MTREX: variants seen among roughly 807,000 people sequenced by gnomAD.
The protein encoded by MTREX is Mtr4 exosome RNA helicase.
In MTREX, 76 loss-of-function variants were observed where a neutral mutation model predicts 135.4. That is an observed-to-expected ratio of 0.56 (90% CI 0.47 to 0.68). MTREX has a LOEUF of 0.68. MTREX is among the 30% of genes least tolerant of loss of function. The pLI, the probability that MTREX is intolerant of heterozygous loss-of-function variation, is 0.00. For synonymous variants in MTREX, 404 were observed against 401.6 expected, an observed-to-expected ratio of 1.01 and a Z score of -0.07; for missense variants, 920 against 1,262.1, an observed-to-expected ratio of 0.73 and a Z score of 4.11.
chr5:55,381,204 GT>G (rs1750391575), intron 18 of MTREX, among the ~76,000 whole-genome samples: 1 of 151,854 alleles, frequency 6.6e-6, no homozygotes, highest in Admixed American at 6.6e-5. Flanking sequence ...TGAGCTTTTG[GT>G]TTTACTGATT....
intron 14 of MTREX, chr5:55,356,259 A>G (rs1749910390): frequency 6.5e-6 from 1 of 153,206 alleles, no homozygotes; most frequent in Non-Finnish European, 1.5e-5. Context: ...ACAGCAATGA[A>G]TGGCCAGGCT....
intron 12 of MTREX, 117 bp downstream of exon 12, chr5:55,349,769 T>C: frequency 3.3e-6 from 2 of 613,710 alleles, no homozygotes; most frequent in Non-Finnish European, 5.9e-6. Context: ...GCATATGGGT[T>C]GTGATATGCC....
chr5:55,369,821 C>T (rs1285417036), intron 16 of MTREX, among the ~76,000 whole-genome samples: 1 of 152,180 alleles, frequency 6.6e-6, no homozygotes, highest in African/African-American at 2.4e-5. Flanking sequence ...TAGCCAGTCA[C>T]TAACCCGTGT....
chr5:55,358,632 T>C lies in MTREX; in HGVS notation c.1593T>C (p.Asp531=). The C allele has an allele frequency of 1.9e-6, 3 of 1,606,178 alleles. No individual in the cohort carries two copies. Among genetic ancestry groups the C allele is most frequent in the East Asian group, 2.3e-5 (1 of 44,410 alleles). ...GTGCTGGAAGGAGAGGAATGGATGA[T>C]AGAGGAATTGTAATTCTTATGGTAG... The part of the protein sequence containing the change: ...SGRAGRRGMD[D]RGIVILMVDE... The change falls in exon 15 of 27, where the codon GAT becomes GAC. Residue 531 remains aspartate, a synonymous_variant. Coordinates refer to ENST00000230640, the MANE Select transcript of MTREX (RefSeq NM_015360.5).
intron 14 of MTREX, among the ~76,000 whole-genome samples, chr5:55,355,368 C>T (rs1345966347): frequency 1.3e-5 from 2 of 152,174 alleles, no homozygotes; most frequent in African/African-American, 4.8e-5. Context: ...AACCCCCTGC[C>T]CTCTGCTTTG....
At chr5:55,376,983 A>C (rs570513337) in intron 16 of MTREX, among the ~76,000 whole-genome samples, 16 of 150,618 alleles carry the variant, frequency 1.1e-4, no homozygotes, top group Non-Finnish European at 2.1e-4. Flanking sequence ...AGGCAGGAGA[A>C]TCACTTAAAC....
At position 55,344,604 on chromosome 5, in the gene MTREX, T is replaced by C; in HGVS notation, c.989T>C (p.Leu330Pro). Residue 330 changes from leucine to proline, a missense_variant, in exon 9 of 27, where the codon CTT (leucine) becomes CCT (proline). Physicochemically the swap from Leu to Pro is moderately conservative, Grantham distance 98. This residue lies in a region of MTREX where 88 missense variants were observed against 202.5 expected (regional missense o/e 0.43). Coordinates refer to ENST00000230640, the MANE Select transcript of MTREX (RefSeq NM_015360.5). Reference sequence around the variant, plus strand: ...CCAGCAGGGGGAGATGGCCTGCATCTTGTGGTTGATGAAAATGTAAGAGAG... The same window carrying C: ...CCAGCAGGGGGAGATGGCCTGCATCCTGTGGTTGATGAAAATGTAAGAGAG... ...IFPAGGDGLH[L>P]VVDENGDFRE... is the part of the protein sequence containing the mutation. 1.3e-6 allele frequency: 2 copies of C among 1,599,174 alleles called. No homozygotes were observed. Among genetic ancestry groups the C allele is most frequent in the Non-Finnish European group, 1.7e-6 (2 of 1,167,624 alleles).
intron 16 of MTREX, 140 bp from the exon 17 acceptor site, chr5:55,378,172 CAT>C: frequency 1.1e-5 from 10 of 928,904 alleles, no homozygotes; most frequent in Non-Finnish European, 1.5e-6. Context: ...TAGATGAACA[CAT>C]AGAGACTTAC....
chr5:55,410,657 T>G, intron 23 of MTREX, 28 bp downstream of exon 23: 1 of 1,387,240 alleles, frequency 7.2e-7, no homozygotes, highest in South Asian at 1.2e-5. Flanking sequence ...GCACATCTTA[T>G]TTATTAATTC....
Position 55,308,020 on chromosome 5 carries a change from G to A in MTREX, c.7G>A (p.Asp3Asn), listed in dbSNP as rs755800710. MA[D>N]AFGDELFSVF... ...GCTCTCACTGCTCCCAAAAATGGCG[G>A]ACGCATTCGGAGATGAGCTGTTCAG... Residue 3 changes from aspartate to asparagine, a missense_variant, in exon 1 of 27, where the codon GAC (aspartate) becomes AAC (asparagine). By Grantham distance (23) the Asp-to-Asn change is conservative. Coordinates refer to ENST00000230640, the MANE Select transcript of MTREX (RefSeq NM_015360.5). The A allele has an allele frequency of 1.2e-6, 2 of 1,614,162 alleles. No individual in the cohort carries two copies. The highest frequency in any genetic ancestry group is 1.7e-6 in the Non-Finnish European group (2 of 1,180,042).
chr5:55,341,942 C>G (rs1270603203), intron 7 of MTREX, among the ~76,000 whole-genome samples, 171 bp downstream of exon 7: 2 of 152,162 alleles, frequency 1.3e-5, no homozygotes, highest in African/African-American at 4.8e-5. Flanking sequence ...GAGTTTCACT[C>G]TGTTGCCTAG....
Position 55,424,943 on chromosome 5 carries a change from A to G in MTREX, c.*171A>G, listed in dbSNP as rs1751130217. ...ATTACATACATGTTTATACATAAGC[A>G]TTACATTTTTTTAATAAAAATGTAT... On this transcript the variant is annotated 3_prime_UTR_variant, in exon 27 of 27. Transcript: ENST00000230640. 2 of 634,366 alleles carry G rather than the reference A, an allele frequency of 3.2e-6. No individual in the cohort carries two copies. Among genetic ancestry groups the G allele is most frequent in the African/African-American group, 1.8e-5 (1 of 54,674 alleles). 39.3% of individuals were successfully genotyped at this position (634,366 alleles called of 1,614,324 possible).
rs1437012348 is a variant in MTREX, at chr5:55,308,153, G to A, written c.134+6G>A. 7 of 1,584,584 alleles carry A rather than the reference G, an allele frequency of 4.4e-6. No homozygotes were observed. The African/African-American group carries it at 8.2e-5, about 19-fold the overall frequency. On this transcript the variant is annotated splice_donor_region_variant and intron_variant, in intron 1 of 26. Transcript: ENST00000230640. The stretch of plus-strand genomic sequence containing the variant: ...GGGTCTGCAGACAAGGCAGGGTAAG[G>A]AAGAAGTTCCAGTTGTTGCTTTTAT...
At chr5:55,335,025 T>TA (rs1749532922) in intron 5 of MTREX, among the ~76,000 whole-genome samples, 1 of 152,106 alleles carries the variant, frequency 6.6e-6, no homozygotes, top group Non-Finnish European at 1.5e-5. Context: ...TGTCTTTTTT[T>TA]ATTATACCCA....
chr5:55,397,610 A>G (rs2111585182), intron 20 of MTREX, 84 bp downstream of exon 20: 1 of 750,036 alleles, frequency 1.3e-6, no homozygotes, highest in Admixed American at 2.7e-5. Flanking sequence ...ATGCTTTTAA[A>G]TATATTGCTT....
intron 23 of MTREX, among the ~76,000 whole-genome samples, chr5:55,412,953 T>C (rs1318604827): frequency 1.3e-5 from 2 of 152,126 alleles, no homozygotes; most frequent in Admixed American, 1.3e-4. Context: ...ATTATACATA[T>C]ATACATGTTG....
intron 18 of MTREX, among the ~76,000 whole-genome samples, chr5:55,380,075 G>A (rs761859279): frequency 2.0e-5 from 3 of 151,884 alleles, no homozygotes; most frequent in Non-Finnish European, 4.4e-5. Context: ...AGCTGGGACT[G>A]TAGGTGCCTG....
intron 14 of MTREX, among the ~76,000 whole-genome samples, chr5:55,358,011 C>G (rs1031977204): frequency 6.6e-6 from 1 of 152,160 alleles, no homozygotes; most frequent in Non-Finnish European, 1.5e-5. Flanking sequence ...AGAATTGATA[C>G]TTGGTTGAGT....
intron 12 of MTREX, among the ~76,000 whole-genome samples, chr5:55,350,633 A>G (rs1019047519): frequency 1.1e-4 from 17 of 152,292 alleles, no homozygotes; most frequent in Admixed American, 6.5e-4. Context: ...TGCCCCTATA[A>G]TGTGTAATTG....
Sources: gnomAD v4.1 joint callset for allele counts (sites outside exome capture counted in the v4.1 genomes callset) on GRCh38, gnomAD v4.1.1 for gene constraint, gnomAD v4.1.1 regional missense constraint, MANE v1.5 for transcripts, NCBI Gene and HGNC (gene_info 2026-07-23, HGNC 2026-07-21) for gene names.